DAB1: variants seen among roughly 807,000 people sequenced by gnomAD.
The protein encoded by DAB1 is DAB adaptor protein 1.
In DAB1, 15 loss-of-function variants were observed where a neutral mutation model predicts 64.6. The observed-to-expected ratio is 0.23, with a 90% confidence interval of 0.16 to 0.36. The LOEUF (loss-of-function observed/expected upper bound fraction) is 0.36, where lower values mean the gene tolerates loss of function less well. Ranked by LOEUF, DAB1 falls within the 10% of genes least tolerant of loss-of-function variation. The pLI is 1.00. For synonymous variants in DAB1, 235 were observed against 251.9 expected (o/e 0.93, Z 0.64); for missense variants, 596 against 706.7 (o/e 0.84, Z 1.78).
intron 3 of DAB1, among the ~76,000 whole-genome samples, chr1:58,483,271 G>A (rs1231990167): frequency 6.6e-6 from 1 of 152,124 alleles, no homozygotes; most frequent in Non-Finnish European, 1.5e-5. Flanking sequence ...ACATATCTGG[G>A]CAAGGAATTC....
At chr1:57,563,189 C>T (rs1484183108) in intron 7 of DAB1, among the ~76,000 whole-genome samples, 4 of 152,166 alleles carry the variant, frequency 2.6e-5, no homozygotes, top group African/African-American at 9.7e-5. Context: ...TCATCAATAC[C>T]AGGTACAACC....
At chr1:57,543,027 T>C (rs188820009) in intron 7 of DAB1, among the ~76,000 whole-genome samples, 4 of 152,234 alleles carry the variant, frequency 2.6e-5, no homozygotes, top group Admixed American at 2.0e-4. Context: ...GGAGTGAGCT[T>C]GGAGGCATAT....
chr1:57,138,650 C>T (rs889236714), intron 3 of DAB1, among the ~76,000 whole-genome samples: 1 of 152,192 alleles, frequency 6.6e-6, no homozygotes, highest in African/African-American at 2.4e-5. Context: ...CATGAATTCA[C>T]TGTGGGATGC....
At chr1:57,917,405 T>A (rs144810542) in intron 5 of DAB1, among the ~76,000 whole-genome samples, 170 of 152,320 alleles carry the variant, frequency 1.1e-3, no homozygotes, top group African/African-American at 3.9e-3. Flanking sequence ...GTTCCTCACC[T>A]GTAAAGTAGG....
intron 4 of DAB1, among the ~76,000 whole-genome samples, chr1:58,155,067 GTC>G (rs1655149562): frequency 1.3e-5 from 2 of 152,198 alleles, no homozygotes; most frequent in Non-Finnish European, 2.9e-5. Context: ...AAGGGCTGGT[GTC>G]TCAGCTCAGA....
chr1:58,118,923 T>C (rs991753529), intron 5 of DAB1, among the ~76,000 whole-genome samples: 1 of 151,842 alleles, frequency 6.6e-6, no homozygotes, highest in African/African-American at 2.4e-5. Context: ...CTGATGGAAA[T>C]GTTCCATCCA....
intron 3 of DAB1, among the ~76,000 whole-genome samples, chr1:57,137,138 G>GA (rs1300467315): frequency 1.2e-4 from 19 of 152,016 alleles, no homozygotes; most frequent in African/African-American, 3.9e-4. Flanking sequence ...CATTTTGCTG[G>GA]AAAAAAATGT....
chr1:58,481,212 A>C, intron 3 of DAB1: 3 of 671,372 alleles, frequency 4.5e-6, no homozygotes, highest in Non-Finnish European at 5.1e-6. Flanking sequence ...TACTATATAT[A>C]TACATCAATG....
chr1:57,988,836 C>A (rs566368537), intron 5 of DAB1, among the ~76,000 whole-genome samples: 77 of 152,282 alleles, frequency 5.1e-4, no homozygotes, highest in African/African-American at 1.8e-3. Flanking sequence ...ATACTATTTT[C>A]AAATCAGCAG....
intron 2 of DAB1, among the ~76,000 whole-genome samples, chr1:58,507,387 TCAA>T (rs1646005559): frequency 6.6e-6 from 1 of 151,976 alleles, no homozygotes; most frequent in African/African-American, 2.4e-5. Flanking sequence ...TGCATGCTAG[TCAA>T]CAACCATGCT....
chr1:57,939,228 C>G lies in DAB1; in HGVS notation n.388-55066G>C. The stretch of plus-strand genomic sequence containing the variant: ...AGAGAGCATGCTCTGGTCTCTCTGT[C>G]CCCTTATGAGGGCACTAATCCCATT... On this transcript the variant is annotated intron_variant and non_coding_transcript_variant, in intron 5 of 20. Transcript: ENST00000485760. 1.3e-5 allele frequency among the ~76,000 whole-genome samples: 2 copies of G among 152,072 alleles called. 1 individual carries two copies. Among genetic ancestry groups the G allele is most frequent in the Non-Finnish European group, 2.9e-5 (2 of 68,022 alleles).
Position 58,175,098 on chromosome 1 carries a change from A to G in DAB1, n.310-24510T>C, listed in dbSNP as rs541681970. Among the ~76,000 whole-genome samples the G allele has an allele frequency of 9.5e-4, 144 of 152,210 alleles. No individual in the cohort carries two copies. The Middle Eastern group carries it at 0.017, about 18-fold the overall frequency. ...CATTCTGCGGAAGCTTTGTTCTTTCACTCTTCACAATAAATCTTGCTGCTG... is the reference window on the plus strand; with the variant it reads ...CATTCTGCGGAAGCTTTGTTCTTTCGCTCTTCACAATAAATCTTGCTGCTG... On this transcript the variant is annotated intron_variant and non_coding_transcript_variant, in intron 4 of 20. Coordinates refer to the DAB1 transcript ENST00000485760.
intron 4 of DAB1, among the ~76,000 whole-genome samples, chr1:57,094,108 C>CAAAAA (rs59491159): frequency 1.8e-5 from 2 of 112,670 alleles, no homozygotes; most frequent in East Asian, 2.7e-4. Flanking sequence ...GACTCTGCCT[C>CAAAAA]AAAAAAAAAA....
chr1:57,800,690 C>T (rs942739658), intron 6 of DAB1, among the ~76,000 whole-genome samples: 3 of 152,172 alleles, frequency 2.0e-5, no homozygotes, highest in Non-Finnish European at 4.4e-5. Context: ...TGATTACTTG[C>T]ATTAATGGCA....
intron 10 of DAB1, 128 bp downstream of exon 10, chr1:57,025,853 G>C (rs768836258): frequency 1.4e-6 from 1 of 719,956 alleles, no homozygotes; most frequent in Non-Finnish European, 2.3e-6. Flanking sequence ...AAGTCACACA[G>C]CTTGAAAGAG....
intron 3 of DAB1, among the ~76,000 whole-genome samples, chr1:58,478,870 G>C (rs1645445397): frequency 6.6e-6 from 1 of 152,058 alleles, no homozygotes; most frequent in Non-Finnish European, 1.5e-5. Flanking sequence ...GTATTGACAG[G>C]AACAAAGTAG....
At chr1:57,517,649 C>T (rs1644478226) in intron 7 of DAB1, among the ~76,000 whole-genome samples, 1 of 152,106 alleles carries the variant, frequency 6.6e-6, no homozygotes, top group Non-Finnish European at 1.5e-5. Context: ...TTCTTTGAAC[C>T]CTAATTTGAC....
chr1:57,576,792 T>C (rs1038876016), intron 7 of DAB1, among the ~76,000 whole-genome samples: 3 of 152,212 alleles, frequency 2.0e-5, no homozygotes, highest in Admixed American at 6.5e-5. Context: ...AAACCAAGTC[T>C]GCTTTTCTGA....
intron 6 of DAB1, among the ~76,000 whole-genome samples, chr1:57,771,714 C>T (rs1304065436): frequency 6.6e-6 from 1 of 152,060 alleles, no homozygotes; most frequent in Non-Finnish European, 1.5e-5. Flanking sequence ...CTCCCAAATT[C>T]TTCTTTTATT....
Sources: gnomAD v4.1 joint callset for allele counts (sites outside exome capture counted in the v4.1 genomes callset) on GRCh38, gnomAD v4.1.1 for gene constraint, MANE v1.5 for transcripts, NCBI Gene and HGNC (gene_info 2026-07-23, HGNC 2026-07-21) for gene names.